YWHAH: variants seen among roughly 807,000 people sequenced by gnomAD.
YWHAH encodes the protein tyrosine 3-monooxygenase/tryptophan 5-monooxygenase activation protein eta.
Under a neutral mutation model 22.9 loss-of-function variants are expected in YWHAH, and 6 were observed. That is an observed-to-expected ratio of 0.26 (90% confidence interval 0.14 to 0.52). The LOEUF (loss-of-function observed/expected upper bound fraction) is 0.52, where lower values mean the gene tolerates loss of function less well. YWHAH is among the 20% of genes least tolerant of loss of function. The pLI is 0.97. For missense variants in YWHAH, 173 were observed against 308.6 expected (o/e 0.56, Z 3.29); for synonymous variants, 135 against 124.5 (o/e 1.08, Z -0.56).
Position 31,944,807 on chromosome 22 carries a change from C to G in YWHAH, c.74C>G (p.Ser25Cys). Residue 25 changes from serine (S) to cysteine (C), a missense_variant, in exon 1 of 2, where the codon TCC (serine) becomes TGC (cysteine). Ser to Cys is a moderately radical substitution (Grantham distance 112, BLOSUM62 -1). Coordinates refer to ENST00000248975, the MANE Select transcript of YWHAH (RefSeq NM_003405.4). The part of the protein sequence containing the change: ...EQAERYDDMA[S>C]AMKAVTELNE... Reference sequence around the variant, plus strand: ...GCGGAGCGCTACGACGACATGGCCTCCGCTATGAAGGCGGTGAGCGCGCCG... The same window carrying G: ...GCGGAGCGCTACGACGACATGGCCTGCGCTATGAAGGCGGTGAGCGCGCCG... The G allele has an allele frequency of 7.1e-7, 1 of 1,400,540 alleles. No homozygotes were observed. Among genetic ancestry groups the G allele is most frequent in the Non-Finnish European group, 9.4e-7 (1 of 1,069,482 alleles). 86.8% of individuals were successfully genotyped at this position (1,400,540 alleles called of 1,614,324 possible).
intron 1 of YWHAH, among the ~76,000 whole-genome samples, chr22:31,955,419 G>T (rs975306515): frequency 6.6e-6 from 1 of 150,886 alleles, no homozygotes; most frequent in Non-Finnish European, 1.5e-5. Flanking sequence ...GGGACCGTAC[G>T]ATCTTACTGT....
chr22:31,955,561 G>C (rs2093848591), intron 1 of YWHAH, among the ~76,000 whole-genome samples: 1 of 150,554 alleles, frequency 6.6e-6, no homozygotes, highest in African/African-American at 2.4e-5. Flanking sequence ...TCTTGCCTCA[G>C]CCTCCCAAGT....
intron 1 of YWHAH, among the ~76,000 whole-genome samples, chr22:31,955,297 G>GC (rs2093848154): frequency 6.6e-6 from 1 of 152,184 alleles, no homozygotes; most frequent in Non-Finnish European, 1.5e-5. Flanking sequence ...GATCTGTGAA[G>GC]CCCCACCATC....
intron 1 of YWHAH, among the ~76,000 whole-genome samples, chr22:31,950,591 A>T (rs1477717112): frequency 6.6e-6 from 1 of 152,214 alleles, no homozygotes; most frequent in Admixed American, 6.5e-5. Flanking sequence ...AGGCAAAAAC[A>T]GTCTCTTGGC....
intron 1 of YWHAH, among the ~76,000 whole-genome samples, chr22:31,949,504 T>C (rs566548158): frequency 7.9e-5 from 12 of 151,640 alleles, no homozygotes; most frequent in African/African-American, 2.9e-4. Context: ...TGTGTACTTT[T>C]TTTTTTGGTG....
At chr22:31,952,450 A>G (rs1164709544) in intron 1 of YWHAH, among the ~76,000 whole-genome samples, 1 of 152,158 alleles carries the variant, frequency 6.6e-6, no homozygotes, top group Non-Finnish European at 1.5e-5. Flanking sequence ...GGAAAAACTC[A>G]GTTTTCTTTA....
intron 1 of YWHAH, among the ~76,000 whole-genome samples, chr22:31,949,819 G>GCC (rs1469710464): frequency 6.6e-6 from 1 of 152,150 alleles, no homozygotes; most frequent in East Asian, 1.9e-4. Flanking sequence ...ATGTAACAAT[G>GCC]CCCCATGAGG....
At chr22:31,946,186 TCTTGA>T (rs1311527623) in intron 1 of YWHAH, among the ~76,000 whole-genome samples, 3 of 152,184 alleles carry the variant, frequency 2.0e-5, no homozygotes, top group Admixed American at 6.5e-5. Flanking sequence ...TTGTTGGTGA[TCTTGA>T]CTTGAGCACT....
chr22:31,946,714 G>C (rs1242459804), intron 1 of YWHAH, among the ~76,000 whole-genome samples: 2 of 152,202 alleles, frequency 1.3e-5, no homozygotes, highest in Non-Finnish European at 2.9e-5. Context: ...TTACCAGAAC[G>C]AAATCTAGTT....
Position 31,956,435 on chromosome 22 carries a change from T to C in YWHAH, c.384T>C (p.Gly128=), listed in dbSNP as rs766851218. ...ESKVFYLKMK[G]DYYRYLAEVA... ...AGGTGTTTTACCTGAAAATGAAGGG[T>C]GATTACTACCGCTACTTAGCAGAGG... Residue 128 remains glycine, a synonymous_variant, in exon 2 of 2, where the codon GGT becomes GGC. Transcript: ENST00000248975. The surrounding 1 kb of genome is among the most constrained non-coding windows in gnomAD (Gnocchi z 5.1). The C allele has an allele frequency of 1.1e-4, 175 of 1,614,018 alleles. No individual in the cohort carries two copies. Among genetic ancestry groups the C allele is most frequent in the Non-Finnish European group, 1.4e-4 (160 of 1,180,044 alleles).
At position 31,944,770 on chromosome 22, in the gene YWHAH, C is replaced by A; in HGVS notation, c.37C>A (p.Leu13Met). The A allele has an allele frequency of 7.0e-7, 1 of 1,423,572 alleles. No homozygotes were observed. The highest frequency in any genetic ancestry group is 9.2e-7 in the Non-Finnish European group (1 of 1,083,124). The allele number at this position is 1,423,572 out of a possible 1,614,324, so 88.2% of individuals were successfully genotyped here. A position where few individuals can be genotyped will look rare whatever the true frequency, so the allele number is the denominator to read the frequency against. ...GGAGCAGCTGCTGCAGCGGGCGCGGCTGGCCGAGCAGGCGGAGCGCTACGA... is the reference window on the plus strand; with the variant it reads ...GGAGCAGCTGCTGCAGCGGGCGCGGATGGCCGAGCAGGCGGAGCGCTACGA... ...DREQLLQRAR[L>M]AEQAERYDDM... is the part of the protein sequence containing the mutation. Residue 13 changes from leucine to methionine, a missense_variant, in exon 1 of 2, where the codon CTG becomes ATG. By Grantham distance (15) the Leu-to-Met change is conservative. Transcript: ENST00000248975.
intron 1 of YWHAH, chr22:31,947,339 T>C: frequency 2.2e-6 from 1 of 449,026 alleles, no homozygotes; most frequent in Non-Finnish European, 4.6e-6. Flanking sequence ...ACTAGTGATG[T>C]TGCTGTTATT....
At position 31,944,557 on chromosome 22, in the gene YWHAH, G is replaced by A. The variant is rs1475243635; in HGVS notation, c.-177G>A. ...GCCACAGCGCGCGGGGCGAGCCAGCGAGAGGGCGCGAGCGGCGGCGCTGCC... is the reference window on the plus strand; with the variant it reads ...GCCACAGCGCGCGGGGCGAGCCAGCAAGAGGGCGCGAGCGGCGGCGCTGCC... On this transcript the variant is annotated 5_prime_UTR_variant, in exon 1 of 2. Transcript: ENST00000248975. 1 of 265,790 alleles carries A rather than the reference G, an allele frequency of 3.8e-6. No individual in the cohort carries two copies. The highest frequency in any genetic ancestry group is 6.2e-6 in the Non-Finnish European group (1 of 162,160). 16.5% of individuals were successfully genotyped at this position (265,790 alleles called of 1,614,324 possible).
intron 1 of YWHAH, chr22:31,945,637 G>A (rs932748423): frequency 5.4e-6 from 7 of 1,292,436 alleles, no homozygotes; most frequent in African/African-American, 3.0e-5. Flanking sequence ...TCTGAGTTCC[G>A]GTTACCATCT....
chr22:31,953,650 T>C (rs1370239867), intron 1 of YWHAH, among the ~76,000 whole-genome samples: 1 of 152,154 alleles, frequency 6.6e-6, no homozygotes, highest in Non-Finnish European at 1.5e-5. Context: ...GGAGCATGGA[T>C]TGTAGATTCA....
In YWHAH at chr22:31,956,609, C is replaced by T. The variant is rs2149469001; in HGVS notation, c.558C>T (p.Ile186=). The change falls in exon 2 of 2, where the codon ATC becomes ATT. Residue 186 remains isoleucine (I), a synonymous_variant. Transcript: ENST00000248975. The surrounding 1 kb of genome is among the most constrained non-coding windows in gnomAD (Gnocchi z 5.1). The part of the protein sequence containing the change: ...ALNFSVFYYE[I]QNAPEQACLL... Reference sequence around the variant, plus strand: ...ACTTCTCCGTGTTCTACTATGAGATCCAGAATGCACCTGAGCAAGCCTGCC... The same window carrying T: ...ACTTCTCCGTGTTCTACTATGAGATTCAGAATGCACCTGAGCAAGCCTGCC... The T allele has an allele frequency of 1.2e-6, 2 of 1,614,136 alleles. No homozygotes were observed. Among genetic ancestry groups the T allele is most frequent in the Non-Finnish European group, 1.7e-6 (2 of 1,180,036 alleles).
intron 1 of YWHAH, among the ~76,000 whole-genome samples, chr22:31,949,342 C>T (rs1728069829): frequency 6.6e-6 from 1 of 151,708 alleles, no homozygotes; most frequent in Non-Finnish European, 1.5e-5. Flanking sequence ...TGGGGTTTCT[C>T]CATGTTGGTC....
chr22:31,949,518 G>C (rs575251058), intron 1 of YWHAH, among the ~76,000 whole-genome samples: 4 of 151,406 alleles, frequency 2.6e-5, no homozygotes, highest in African/African-American at 7.3e-5. Context: ...TTTGGTGGGG[G>C]GGGGAGTCAT....
chr22:31,944,829 G>A lies in YWHAH; in HGVS notation c.87+9G>A. ...CCTCCGCTATGAAGGCGGTGAGCGC[G>A]CCGGGAGCCCGGGCGGCTGGCCGGG... On this transcript the variant is annotated intron_variant, in intron 1 of 1. Coordinates refer to ENST00000248975, the MANE Select transcript of YWHAH (RefSeq NM_003405.4). The A allele has an allele frequency of 7.3e-7, 1 of 1,369,528 alleles. No individual in the cohort carries two copies. Among genetic ancestry groups the A allele is most frequent in the Non-Finnish European group, 9.5e-7 (1 of 1,053,096 alleles). The allele number at this position is 1,369,528 out of a possible 1,614,324, so 84.8% of individuals were successfully genotyped here.
Sources: gnomAD v4.1 joint callset for allele counts (sites outside exome capture counted in the v4.1 genomes callset) on GRCh38, gnomAD v4.1.1 for gene constraint, Gnocchi (gnomAD v3.1) non-coding constraint, MANE v1.5 for transcripts, NCBI Gene and HGNC (gene_info 2026-07-23, HGNC 2026-07-21) for gene names.